Variants in MED13 observed in about 807,000 individuals in gnomAD.
The protein encoded by MED13 is mediator complex subunit 13, also known as mediator of RNA polymerase II transcription subunit 13.
A neutral mutation model predicts 225.2 loss-of-function variants in MED13; 23 were observed. The observed-to-expected ratio is 0.10, with a 90% CI of 0.07 to 0.14. The LOEUF is 0.14. Ranked by LOEUF, MED13 falls within the 10% of genes least tolerant of loss-of-function variation. The pLI is 1.00. For missense variants in MED13, 2,197 were observed against 2,594.5 expected (o/e 0.85, Z 3.33); for synonymous variants, 942 against 889.2 (o/e 1.06, Z -1.06).
At chr17:62,045,039 A>AT (rs143909483) in intron 3 of MED13, among the ~76,000 whole-genome samples, 2 of 151,776 alleles carry the variant, frequency 1.3e-5, no homozygotes, top group Admixed American at 6.6e-5. Flanking sequence ...TTAACAACAT[A>AT]TTTTTTCCAT....
chr17:62,054,804 AT>A (rs1436687059), intron 2 of MED13, among the ~76,000 whole-genome samples: 1 of 152,148 alleles, frequency 6.6e-6, no homozygotes, highest in Non-Finnish European at 1.5e-5. Context: ...TTTACAATCA[AT>A]TTAGTATCTT....
At chr17:62,030,713 A>G (rs2080747178) in intron 6 of MED13, 1 of 152,160 alleles carries the variant, frequency 6.6e-6, no homozygotes, top group Non-Finnish European at 1.5e-5. Context: ...TTTCTCCTCC[A>G]TTGTAAAAAG....
intron 17 of MED13, among the ~76,000 whole-genome samples, chr17:61,969,293 G>A (rs750962636): frequency 1.2e-4 from 18 of 151,964 alleles, no homozygotes; most frequent in Non-Finnish European, 2.4e-4. Flanking sequence ...TGGAGGTTGC[G>A]GTGAGCTGAG....
At chr17:62,021,390 CGG>C (rs2080644453) in intron 8 of MED13, among the ~76,000 whole-genome samples, 2 of 149,000 alleles carry the variant, frequency 1.3e-5, no homozygotes, top group African/African-American at 5.0e-5. Flanking sequence ...ACCTCCCTCC[CGG>C]ACGGGGCGGC....
chr17:62,015,768 A>G (rs2080557646), intron 8 of MED13, among the ~76,000 whole-genome samples: 2 of 141,938 alleles, frequency 1.4e-5, no homozygotes, highest in South Asian at 4.4e-4. Context: ...ATATAGATAT[A>G]CACACACTAT....
Position 61,946,378 on chromosome 17 carries a change from C to A in MED13, c.*90G>T. The A allele has an allele frequency of 6.9e-7, 1 of 1,442,852 alleles. No homozygotes were observed. The highest frequency in any genetic ancestry group is 1.2e-5 in the South Asian group (1 of 81,176). 89.4% of individuals were successfully genotyped at this position (1,442,852 alleles called of 1,614,324 possible). ...AAGAATTAGACCCCATCACAAATGA[C>A]CTTCACTGAGAAGATAATTGTAACT... On this transcript the variant is annotated 3_prime_UTR_variant, in exon 30 of 30. Coordinates refer to ENST00000397786, the MANE Select transcript of MED13 (RefSeq NM_005121.3).
rs1413443877 is a variant in MED13, at chr17:61,944,120, G to A, written c.*2348C>T. 6.6e-6 allele frequency: 1 copy of A among 152,442 alleles called. No homozygotes were observed. The highest frequency in any genetic ancestry group is 2.4e-5 in the African/African-American group (1 of 41,388). 9.4% of individuals were successfully genotyped at this position (152,442 alleles called of 1,614,324 possible). A position where few individuals can be genotyped will look rare whatever the true frequency, so the allele number is the denominator to read the frequency against. ...CTTATCAATAAATCCTGTATATTTG[G>A]GAACTATTCCCTGATTCCCAAATAA... On this transcript the variant is annotated 3_prime_UTR_variant, in exon 30 of 30. Coordinates refer to ENST00000397786, the MANE Select transcript of MED13 (RefSeq NM_005121.3).
At chr17:61,987,191 CT>C in intron 11 of MED13, 63 bp from the exon 12 acceptor site, 1 of 1,220,516 alleles carries the variant, frequency 8.2e-7, no homozygotes, top group South Asian at 1.6e-5. Flanking sequence ...AATCCCAGCA[CT>C]TTGGGAGGCC....
rs71355200 is a variant in MED13 at position 61,955,855 on chromosome 17, T to TATAA, written c.5624-18_5624-17insTTAT. 6.7e-5 allele frequency: 55 copies of TATAA among 815,124 alleles called. No individual in the cohort carries two copies. The African/African-American group carries it at 2.3e-3, about 35-fold the overall frequency. The allele number at this position is 815,124 out of a possible 1,614,324, so 50.5% of individuals were successfully genotyped here. A position where few individuals can be genotyped will look rare whatever the true frequency, so the allele number is the denominator to read the frequency against. On this transcript the variant is annotated splice_polypyrimidine_tract_variant and intron_variant, in intron 24 of 29. Transcript: ENST00000397786. ...AGCTCCAATCTGTGGGTATCAACAGTAAAAAAAAAAAAAAAAAAAAAAAAA... is the reference window on the plus strand; with the variant it reads ...AGCTCCAATCTGTGGGTATCAACAGTATAAAAAAAAAAAAAAAAAAAAAAAAAAA...
Position 62,011,069 on chromosome 17 carries a change from C to G in MED13, c.1448G>C (p.Ser483Thr), listed in dbSNP as rs201549270. Residue 483 changes from serine (S) to threonine (T), a missense_variant, in exon 9 of 30, where the codon AGT becomes ACT. Physicochemically the swap from Ser to Thr is moderately conservative, Grantham distance 58 (BLOSUM62 1). Around this residue, in one of 12 missense-constraint regions of MED13, gnomAD observed 884 missense variants for 918.5 expected, o/e 0.96. Transcript: ENST00000397786. Reference protein sequence around the residue: ...LTPFHHRVSVSDDVGMDADSA... With the variant: ...LTPFHHRVSVTDDVGMDADSA... ...ATCTGCGTCCATGCCAACATCATCA[C>G]TAACAGACACACGATGGTGAAAAGG... The G allele has an allele frequency of 4.0e-4, 639 of 1,614,232 alleles. 2 individuals are homozygous for G. The highest frequency in any genetic ancestry group is 4.9e-4 in the Non-Finnish European group (582 of 1,180,032).
Position 61,973,061 on chromosome 17 carries a change from G to C in MED13, c.3806-173C>G, listed in dbSNP as rs193282102. On this transcript the variant is annotated intron_variant, in intron 16 of 29. Transcript: ENST00000397786. The stretch of plus-strand genomic sequence containing the variant: ...AGTTCTACAAGATGATCTGTAAAAA[G>C]GTTCTTCTAGATTCTTACAACCAAG... Among the ~76,000 whole-genome samples the C allele has an allele frequency of 3.9e-5, 6 of 152,196 alleles. No individual in the cohort carries two copies. In the East Asian group the frequency reaches 7.7e-4, roughly 20 times the overall value.
At chr17:62,024,973 A>C (rs2080686375) in intron 8 of MED13, among the ~76,000 whole-genome samples, 1 of 152,156 alleles carries the variant, frequency 6.6e-6, no homozygotes, top group Non-Finnish European at 1.5e-5. Flanking sequence ...TGTTATTGTG[A>C]ATAGTGCTGC....
intron 11 of MED13, 22 bp from the exon 12 acceptor site, chr17:61,987,150 A>C: frequency 6.4e-7 from 1 of 1,569,954 alleles, no homozygotes; most frequent in Non-Finnish European, 8.6e-7. Flanking sequence ...AATCAGAAAA[A>C]TAAAATTAAA....
At chr17:61,990,317 T>C (rs1248638888) in intron 11 of MED13, among the ~76,000 whole-genome samples, 1 of 151,952 alleles carries the variant, frequency 6.6e-6, no homozygotes, top group East Asian at 1.9e-4. Context: ...CACACACATA[T>C]ATATACACAC....
chr17:62,054,427 A>G (rs1000740548), intron 2 of MED13, among the ~76,000 whole-genome samples: 10 of 152,250 alleles, frequency 6.6e-5, no homozygotes, highest in African/African-American at 1.7e-4. Context: ...CATAAATATT[A>G]AATAGGAAAA....
intron 8 of MED13, among the ~76,000 whole-genome samples, chr17:62,015,919 T>C (rs866061833): frequency 0.091 from 441 of 4,854 alleles, 15 homozygotes; most frequent in African/African-American, 0.14. Context: ...TATACACATA[T>C]ATATATATAT....
At chr17:61,968,469 G>A (rs1175289452) in intron 17 of MED13, among the ~76,000 whole-genome samples, 1 of 152,170 alleles carries the variant, frequency 6.6e-6, no homozygotes, top group Non-Finnish European at 1.5e-5. Context: ...GGGACTGCAA[G>A]TGCCTGCCAC....
intron 9 of MED13, among the ~76,000 whole-genome samples, chr17:61,999,813 T>C (rs1053710685): frequency 3.3e-5 from 5 of 152,116 alleles, no homozygotes; most frequent in Admixed American, 1.3e-4. Flanking sequence ...TCCCAGCGCT[T>C]TGGGAGGCCA....
At chr17:62,016,831 A>C (rs1249908887) in intron 8 of MED13, among the ~76,000 whole-genome samples, 6 of 152,156 alleles carry the variant, frequency 3.9e-5, no homozygotes, top group Non-Finnish European at 7.4e-5. Flanking sequence ...CAACACAGTG[A>C]AACCCCGTCT....
Sources: gnomAD v4.1 joint callset for allele counts (sites outside exome capture counted in the v4.1 genomes callset) on GRCh38, gnomAD v4.1.1 for gene constraint, gnomAD v4.1.1 regional missense constraint, MANE v1.5 for transcripts, NCBI Gene and HGNC (gene_info 2026-07-23, HGNC 2026-07-21) for gene names.